The following RASA1 variants were observed in gnomAD, a reference collection of about 807,000 sequenced individuals.
The protein encoded by RASA1 is RAS p21 protein activator 1.
In RASA1, 25 loss-of-function variants were observed where a neutral mutation model predicts 132.2. That is an observed-to-expected ratio of 0.19 (90% CI 0.14 to 0.26). The LOEUF (loss-of-function observed/expected upper bound fraction) is 0.26, where lower values mean the gene tolerates loss of function less well. RASA1 is among the 10% of genes least tolerant of loss of function. RASA1 has a pLI of 1.00. For synonymous variants in RASA1, 477 were observed against 449.9 expected (o/e 1.06, Z -0.76); for missense variants, 964 against 1,299.2 (o/e 0.74, Z 3.97).
chr5:87,389,356 T>C (rs1762304442), intron 23 of RASA1, 37 bp from the exon 24 acceptor site: 3 of 1,612,654 alleles, frequency 1.9e-6, no homozygotes, highest in South Asian at 2.2e-5. Context: ...AAAAGAAGAT[T>C]TGTATTTCTA....
At chr5:87,342,385 C>T (rs1758537326) in intron 6 of RASA1, among the ~76,000 whole-genome samples, 1 of 152,118 alleles carries the variant, frequency 6.6e-6, no homozygotes, top group African/African-American at 2.4e-5. Context: ...TCTTGAACTC[C>T]TGACCTCAAG....
At chr5:87,310,406 GAATT>G (rs1755823900) in intron 1 of RASA1, among the ~76,000 whole-genome samples, 2 of 152,106 alleles carry the variant, frequency 1.3e-5, no homozygotes, top group Admixed American at 1.3e-4. Flanking sequence ...TATGAGAGTT[GAATT>G]AAGAAATTAT....
At chr5:87,323,787 C>A (rs568669174) in intron 1 of RASA1, among the ~76,000 whole-genome samples, 21 of 151,912 alleles carry the variant, frequency 1.4e-4, no homozygotes, top group Non-Finnish European at 2.6e-4. Context: ...CAGTCCCTCA[C>A]TTTTTCCAAG....
rs1323265464 is a variant in RASA1, at chr5:87,391,900, C to T, written c.*1017C>T. On this transcript the variant is annotated 3_prime_UTR_variant, in exon 25 of 25. Coordinates refer to ENST00000274376, the MANE Select transcript of RASA1 (RefSeq NM_002890.3). ...TCACAAAGGTTAAGTTAAAATAAAACCAAGGGATATCTTGCATAATTGATT... is the reference window on the plus strand; with the variant it reads ...TCACAAAGGTTAAGTTAAAATAAAATCAAGGGATATCTTGCATAATTGATT... The T allele has an allele frequency of 4.4e-6, 1 of 227,260 alleles. No individual in the cohort carries two copies. Among genetic ancestry groups the T allele is most frequent in the Non-Finnish European group, 8.7e-6 (1 of 114,390 alleles). The allele number at this position is 227,260 out of a possible 1,614,324, so 14.1% of individuals were successfully genotyped here. A position where few individuals can be genotyped will look rare whatever the true frequency, so the allele number is the denominator to read the frequency against.
chr5:87,335,418 G>GTT (rs1757893694), intron 4 of RASA1, among the ~76,000 whole-genome samples: 8 of 135,278 alleles, frequency 5.9e-5, no homozygotes, highest in Admixed American at 2.3e-4. Flanking sequence ...TAAAGAATGA[G>GTT]GTTTTTTTTT....
chr5:87,374,871 A>G lies in RASA1; in HGVS notation c.1966A>G (p.Ile656Val). ...TCCTCCTGACATCAATAGATTTGAA[A>G]TAACTCTTAGTAATAAAACAAAGAA... ...DLPPDINRFE[I>V]TLSNKTKKSK... The change falls in exon 15 of 25, where the codon ATA becomes GTA. Residue 656 changes from isoleucine (I) to valine (V), a missense_variant. Around this residue, in one of 6 missense-constraint regions of RASA1, gnomAD observed 346 missense variants for 520.1 expected, o/e 0.67. Transcript: ENST00000274376. The G allele has an allele frequency of 6.2e-7, 1 of 1,609,760 alleles. No homozygotes were observed. The highest frequency in any genetic ancestry group is 1.1e-5 in the South Asian group (1 of 90,950).
chr5:87,332,232 CTG>C lies in RASA1; in HGVS notation c.693-274_693-273del, dbSNP rs112878220. Among the ~76,000 whole-genome samples, 4,826 of 152,022 alleles carry C rather than the reference CTG, an allele frequency of 0.032. 156 individuals carry two copies. Among genetic ancestry groups the C allele is most frequent in the African/African-American group, 0.074 (3,058 of 41,480 alleles). ...AAATATGGAAAGTGAGAAGAGGTATCTGAGGGTGAGTTTTCAGATATTTGATG... is the reference window on the plus strand; with the variant it reads ...AAATATGGAAAGTGAGAAGAGGTATCAGGGTGAGTTTTCAGATATTTGATG... On this transcript the variant is annotated intron_variant, in intron 2 of 24. Coordinates refer to ENST00000274376, the MANE Select transcript of RASA1 (RefSeq NM_002890.3).
At chr5:87,388,776 T>C (rs2112522743) in intron 23 of RASA1, among the ~76,000 whole-genome samples, 1 of 152,288 alleles carries the variant, frequency 6.6e-6, no homozygotes, top group South Asian at 2.1e-4. Context: ...ATTATCAACT[T>C]AGACAAACTA....
chr5:87,271,610 G>A (rs1199561849), intron 1 of RASA1, among the ~76,000 whole-genome samples: 1 of 151,184 alleles, frequency 6.6e-6, no homozygotes, highest in Non-Finnish European at 1.5e-5. Context: ...AGCCTCCTGA[G>A]TACCTAGGAT....
intron 1 of RASA1, among the ~76,000 whole-genome samples, chr5:87,292,600 C>T (rs562609041): frequency 1.5e-4 from 23 of 152,132 alleles, no homozygotes; most frequent in Admixed American, 6.6e-4. Context: ...TCAATCCCTC[C>T]GACTTTTTCT....
chr5:87,324,572 C>G (rs578085905), intron 1 of RASA1, among the ~76,000 whole-genome samples: 32 of 152,174 alleles, frequency 2.1e-4, no homozygotes, highest in African/African-American at 7.0e-4. Context: ...AATATGTTAC[C>G]TGTTGAAAAA....
In RASA1 at chr5:87,268,907, A is replaced by G. The variant is rs747487532; in HGVS notation, c.456A>G (p.Thr152=). ...YLPPLGAGLG[T]VDEGDSLDGP... is the part of the protein sequence containing the mutation. ...CCCCTTTGGGGGCGGGCCTCGGGACAGTGGACGAAGGTGACTCTCTGGATG... is the reference window on the plus strand; with the variant it reads ...CCCCTTTGGGGGCGGGCCTCGGGACGGTGGACGAAGGTGACTCTCTGGATG... Residue 152 remains threonine, a synonymous_variant, in exon 1 of 25, where the codon ACA becomes ACG. Coordinates refer to ENST00000274376, the MANE Select transcript of RASA1 (RefSeq NM_002890.3). The G allele has an allele frequency of 6.2e-7, 1 of 1,614,134 alleles. No homozygotes were observed. Among genetic ancestry groups the G allele is most frequent in the South Asian group, 1.1e-5 (1 of 91,084 alleles).
Position 87,320,134 on chromosome 5 carries a change from A to G in RASA1, c.540-11214A>G, listed in dbSNP as rs528402503. ...GGTTCCCAATAAGTTCCTCATCTCC[A>G]TCTGAGACCACATCAGCCTGGATTT... On this transcript the variant is annotated intron_variant, in intron 1 of 24. Coordinates refer to ENST00000274376, the MANE Select transcript of RASA1 (RefSeq NM_002890.3). Among the ~76,000 whole-genome samples the G allele has an allele frequency of 6.6e-5, 10 of 152,268 alleles. No individual in the cohort carries two copies. In the South Asian group the frequency reaches 1.9e-3, roughly 28 times the overall value.
At position 87,377,062 on chromosome 5, in the gene RASA1, G is replaced by A. The variant is rs771597899; in HGVS notation, c.2344+22G>A. On this transcript the variant is annotated intron_variant, in intron 17 of 24. Transcript: ENST00000274376. ...GAAGGTATGGTATGGCCATGTTAGT[G>A]TGATACAAGAAACTGGGTTTAGATT... The A allele has an allele frequency of 2.5e-6, 4 of 1,604,772 alleles. No individual in the cohort carries two copies. The South Asian group carries it at 4.4e-5, about 18-fold the overall frequency.
intron 1 of RASA1, among the ~76,000 whole-genome samples, chr5:87,330,680 A>T (rs969822170): frequency 6.6e-6 from 1 of 152,180 alleles, no homozygotes; most frequent in African/African-American, 2.4e-5. Context: ...TAGGTAGAAC[A>T]CAGTTAAACT....
intron 14 of RASA1, 101 bp downstream of exon 14, chr5:87,374,421 C>A (rs1225570553): frequency 2.3e-6 from 2 of 879,424 alleles, no homozygotes; most frequent in Non-Finnish European, 3.4e-6. Context: ...AACAAGGTAC[C>A]ATATCCAGGT....
Position 87,268,973 on chromosome 5 carries a change from C to T in RASA1, c.522C>T (p.Thr174=), listed in dbSNP as rs139686009. 1.9e-6 allele frequency: 3 copies of T among 1,614,162 alleles called. No homozygotes were observed. In the African/African-American group the frequency reaches 4.0e-5, roughly 22 times the overall value. Residue 174 remains threonine (T), a synonymous_variant, in exon 1 of 25, where the codon ACC becomes ACT. Transcript: ENST00000274376. Reference sequence around the variant, plus strand: ...AGGAAGAGGTGGCCATACCGTTGACCGCTCCTCCAACTAACCAGTAAGTTA... The same window carrying T: ...AGGAAGAGGTGGCCATACCGTTGACTGCTCCTCCAACTAACCAGTAAGTTA... ...YEEEEVAIPL[T]APPTNQWYHG...
chr5:87,292,512 G>A (rs561974850), intron 1 of RASA1, among the ~76,000 whole-genome samples: 1 of 151,770 alleles, frequency 6.6e-6, no homozygotes, highest in South Asian at 2.1e-4. Flanking sequence ...TTCCTGTTCC[G>A]TTCCATTGAT....
intron 1 of RASA1, among the ~76,000 whole-genome samples, chr5:87,321,922 G>A (rs1249926027): frequency 6.6e-6 from 1 of 152,184 alleles, no homozygotes; most frequent in Non-Finnish European, 1.5e-5. Context: ...ATGAAAGGAG[G>A]GCAGGAGAAG....
Sources: gnomAD v4.1 joint callset for allele counts (sites outside exome capture counted in the v4.1 genomes callset) on GRCh38, gnomAD v4.1.1 for gene constraint, gnomAD v4.1.1 regional missense constraint, MANE v1.5 for transcripts, NCBI Gene and HGNC (gene_info 2026-07-23, HGNC 2026-07-21) for gene names.